Variants in EYS observed in about 807,000 individuals in gnomAD.
EYS encodes EGF-like photoreceptor maintenance factor.
EYS carries 250 observed loss-of-function variants against 282.1 expected under a neutral mutation model. That is an observed-to-expected ratio of 0.89 (90% CI 0.80 to 0.98). EYS has a LOEUF of 0.98. Among genes scored for constraint, EYS ranks in the 50% least tolerant of loss-of-function variants. The probability of loss-of-function intolerance (pLI) is 0.00; values close to 1 mark genes in which losing one functional copy is unlikely to be tolerated. For missense variants in EYS, 4,016 were observed against 3,709.0 expected, an observed-to-expected ratio of 1.08 and a Z score of -2.15; for synonymous variants, 1,355 against 1,282.9, an observed-to-expected ratio of 1.06 and a Z score of -1.20.
chr6:64,802,289 G>C (rs1327296670), intron 22 of EYS, among the ~76,000 whole-genome samples: 1 of 151,702 alleles, frequency 6.6e-6, no homozygotes, highest in Non-Finnish European at 1.5e-5. Flanking sequence ...CTGACCTCAT[G>C]ATCCATCCGC....
chr6:64,039,860 A>G (rs1288606312), intron 33 of EYS, among the ~76,000 whole-genome samples: 1 of 152,264 alleles, frequency 6.6e-6, no homozygotes, highest in Non-Finnish European at 1.5e-5. Context: ...TTATTTTGCT[A>G]TTATCAACAA....
chr6:63,812,094 T>C (rs1184005739), intron 36 of EYS, among the ~76,000 whole-genome samples: 1 of 152,204 alleles, frequency 6.6e-6, no homozygotes, highest in Non-Finnish European at 1.5e-5. Flanking sequence ...AGTGTCAAAG[T>C]TTCTCCAGCA....
At chr6:65,703,740 G>C (rs533831600) in intron 1 of EYS, among the ~76,000 whole-genome samples, 7 of 152,216 alleles carry the variant, frequency 4.6e-5, no homozygotes, top group Non-Finnish European at 7.4e-5. Flanking sequence ...AACAATGTGA[G>C]AAATTCACAT....
At chr6:65,450,290 A>G (rs1022387949) in intron 5 of EYS, among the ~76,000 whole-genome samples, 3 of 152,124 alleles carry the variant, frequency 2.0e-5, no homozygotes, top group African/African-American at 7.2e-5. Context: ...ACAGAAAATC[A>G]GCTATGAATA....
intron 29 of EYS, among the ~76,000 whole-genome samples, chr6:64,359,674 T>C (rs1248122612): frequency 6.6e-6 from 1 of 151,686 alleles, no homozygotes; most frequent in African/African-American, 2.4e-5. Flanking sequence ...AAGAATTCTC[T>C]TCCTGGCTTG....
At chr6:64,546,780 C>G (rs1582878539) in intron 26 of EYS, among the ~76,000 whole-genome samples, 1 of 152,170 alleles carries the variant, frequency 6.6e-6, no homozygotes, top group Non-Finnish European at 1.5e-5. Context: ...AAATGCTCAT[C>G]ATCACTGGCC....
At chr6:65,486,320 A>C (rs1582361166) in intron 5 of EYS, among the ~76,000 whole-genome samples, 1 of 152,204 alleles carries the variant, frequency 6.6e-6, no homozygotes, top group African/African-American at 2.4e-5. Flanking sequence ...TCTTTTCATC[A>C]ACATTCAAAG....
rs368170644 is a variant in EYS, at chr6:65,335,233, G to T, written c.1600-87C>A. 220 of 895,452 alleles carry T rather than the reference G, an allele frequency of 2.5e-4. 1 individual carries two copies. Among genetic ancestry groups the T allele is most frequent in the East Asian group, 1.6e-3 (62 of 39,528 alleles). The allele number at this position is 895,452 out of a possible 1,614,324, so 55.5% of individuals were successfully genotyped here. A position where few individuals can be genotyped will look rare whatever the true frequency, so the allele number is the denominator to read the frequency against. On this transcript the variant is annotated intron_variant, in intron 10 of 42. Transcript: ENST00000503581. ...TGTGACCTGAGAGATCATGATAGAT[G>T]CCTCTCTGTCTACTAAGATGAAACC...
intron 5 of EYS, among the ~76,000 whole-genome samples, chr6:65,455,527 G>A (rs1355078462): frequency 6.6e-6 from 1 of 151,894 alleles, no homozygotes; most frequent in Non-Finnish European, 1.5e-5. Flanking sequence ...TAAAAAAAAC[G>A]AGAGAAGACT....
chr6:64,855,637 A>G (rs554283449), intron 19 of EYS, among the ~76,000 whole-genome samples: 1 of 152,258 alleles, frequency 6.6e-6, no homozygotes, highest in South Asian at 2.1e-4. Context: ...CATTATTAAG[A>G]GTTCATAGAT....
chr6:64,053,733 G>A (rs1770890709), intron 33 of EYS, among the ~76,000 whole-genome samples: 1 of 151,990 alleles, frequency 6.6e-6, no homozygotes, highest in Non-Finnish European at 1.5e-5. Flanking sequence ...TATAATTTAG[G>A]CATTTTCTTT....
chr6:63,872,216 A>G (rs537168378), intron 35 of EYS, among the ~76,000 whole-genome samples: 1 of 152,136 alleles, frequency 6.6e-6, no homozygotes, highest in African/African-American at 2.4e-5. Context: ...GCCCCATTAT[A>G]TGGCTTCTTC....
intron 26 of EYS, among the ~76,000 whole-genome samples, chr6:64,564,876 A>G (rs186835515): frequency 1.3e-5 from 2 of 152,146 alleles, no homozygotes; most frequent in South Asian, 2.1e-4. Flanking sequence ...TAACCATTCA[A>G]ACAGGTGTGT....
At chr6:64,193,380 G>A (rs1243546085) in intron 31 of EYS, among the ~76,000 whole-genome samples, 4 of 151,636 alleles carry the variant, frequency 2.6e-5, no homozygotes, top group African/African-American at 4.8e-5. Flanking sequence ...GCGTGATCTC[G>A]GCTCACTACA....
At chr6:64,652,637 A>G (rs925603974) in intron 22 of EYS, among the ~76,000 whole-genome samples, 12 of 152,220 alleles carry the variant, frequency 7.9e-5, no homozygotes, top group Admixed American at 1.3e-4. Flanking sequence ...AAACTGTGAG[A>G]AAATAAATTT....
intron 36 of EYS, among the ~76,000 whole-genome samples, chr6:63,810,519 T>C (rs1246173650): frequency 1.3e-5 from 2 of 152,200 alleles, no homozygotes; most frequent in African/African-American, 4.8e-5. Flanking sequence ...GGCATAGTGA[T>C]GGAGGGAGGC....
intron 30 of EYS, among the ~76,000 whole-genome samples, chr6:64,241,657 T>TTGTGTGTGTG (rs367952253): frequency 6.7e-6 from 1 of 149,154 alleles, no homozygotes; most frequent in African/African-American, 2.5e-5. Context: ...TTGAAGGTTT[T>TTGTGTGTGTG]TGTGTGTGTG....
At chr6:63,974,781 A>T (rs114085555) in intron 35 of EYS, among the ~76,000 whole-genome samples, 3,446 of 152,100 alleles carry the variant, frequency 0.023, 103 homozygotes, top group African/African-American at 0.07. Flanking sequence ...TGTAATCATG[A>T]CTTTAATACA....
intron 26 of EYS, among the ~76,000 whole-genome samples, chr6:64,518,135 C>T (rs1452595696): frequency 6.6e-6 from 1 of 151,806 alleles, no homozygotes. Flanking sequence ...AAACATTATC[C>T]AAATTTTTGA....
Sources: allele counts gnomAD v4.1 joint callset (sites outside exome capture counted in the v4.1 genomes callset), GRCh38; gene constraint gnomAD v4.1.1; transcripts MANE v1.5; gene names NCBI Gene and HGNC (gene_info 2026-07-23, HGNC 2026-07-21).